The following MAP3K7CL variants were observed in gnomAD, a reference collection of about 807,000 sequenced individuals.
The protein encoded by MAP3K7CL is MAP3K7 C-terminal like, also known as MAP3K7 C-terminal-like protein.
Under a neutral mutation model 18.6 loss-of-function variants are expected in MAP3K7CL, and 16 were observed. The observed-to-expected ratio is 0.86, with a 90% CI of 0.58 to 1.31. The LOEUF (loss-of-function observed/expected upper bound fraction) is 1.31, where lower values mean the gene tolerates loss of function less well. Ranked by LOEUF, MAP3K7CL falls within the 50% of genes most tolerant of loss-of-function variation. The probability of loss-of-function intolerance (pLI) is 0.00; values close to 1 mark genes in which losing one functional copy is unlikely to be tolerated. For missense variants in MAP3K7CL, 163 were observed against 174.4 expected (o/e 0.93, Z 0.37); for synonymous variants, 65 against 66.8 (o/e 0.97, Z 0.13).
At chr21:29,110,915 A>G (rs1193530328) in intron 4 of MAP3K7CL, among the ~76,000 whole-genome samples, 1 of 152,192 alleles carries the variant, frequency 6.6e-6, no homozygotes, top group African/African-American at 2.4e-5. Context: ...TCTCACTCTC[A>G]GCATTGTCTC....
At chr21:29,086,419 G>T (rs2085926822) in intron 1 of MAP3K7CL, among the ~76,000 whole-genome samples, 2 of 152,178 alleles carry the variant, frequency 1.3e-5, no homozygotes, top group Non-Finnish European at 1.5e-5. Context: ...TGAGTGGAAG[G>T]ATTCCCACCC....
intron 4 of MAP3K7CL, among the ~76,000 whole-genome samples, chr21:29,161,173 G>A (rs138843609): frequency 0.013 from 1,999 of 152,266 alleles, 22 homozygotes; most frequent in South Asian, 0.032. Flanking sequence ...AGCCGGGTGT[G>A]GTGGCGGGCA....
At chr21:29,161,407 C>G (rs1257932113) in intron 4 of MAP3K7CL, among the ~76,000 whole-genome samples, 2 of 152,006 alleles carry the variant, frequency 1.3e-5, no homozygotes, top group South Asian at 4.1e-4. Context: ...ACCTTGGCCT[C>G]CCAAAGTGCT....
intron 4 of MAP3K7CL, among the ~76,000 whole-genome samples, chr21:29,120,140 C>T (rs912212204): frequency 6.6e-6 from 1 of 151,520 alleles, no homozygotes; most frequent in Non-Finnish European, 1.5e-5. Flanking sequence ...TTATTTTTTT[C>T]CTCCTTGGAA....
chr21:29,110,201 C>T (rs544654145), intron 4 of MAP3K7CL, among the ~76,000 whole-genome samples: 3 of 152,126 alleles, frequency 2.0e-5, no homozygotes, highest in Non-Finnish European at 2.9e-5. Context: ...AAATAAAAAA[C>T]ACATCCACTA....
chr21:29,164,235 A>G (rs1165301690), intron 4 of MAP3K7CL, among the ~76,000 whole-genome samples: 2 of 152,164 alleles, frequency 1.3e-5, no homozygotes, highest in African/African-American at 4.8e-5. Flanking sequence ...ACTGAAGTGG[A>G]AATTCATTTT....
At chr21:29,108,476 C>T (rs935785196) in intron 4 of MAP3K7CL, among the ~76,000 whole-genome samples, 2 of 152,162 alleles carry the variant, frequency 1.3e-5, no homozygotes, top group African/African-American at 4.8e-5. Context: ...GTTTTTGACA[C>T]CTACTGCCAA....
At chr21:29,128,921 G>T (rs1163527456), upstream of MAP3K7CL, among the ~76,000 whole-genome samples, 2 of 152,136 alleles carry the variant, frequency 1.3e-5, no homozygotes, top group Non-Finnish European at 2.9e-5. Context: ...TTCCTGAAAA[G>T]AATAAGCTTA....
chr21:29,106,512 A>G (rs1418889619), intron 4 of MAP3K7CL, among the ~76,000 whole-genome samples: 2 of 152,160 alleles, frequency 1.3e-5, no homozygotes, highest in Admixed American at 6.5e-5. Context: ...CTTGGAGAGC[A>G]TTGCTGAGCT....
chr21:29,113,090 C>T (rs749106323), intron 4 of MAP3K7CL, among the ~76,000 whole-genome samples: 21 of 152,156 alleles, frequency 1.4e-4, no homozygotes, highest in Non-Finnish European at 1.6e-4. Context: ...CCACTGCGCC[C>T]GGCCCCATTT....
intron 4 of MAP3K7CL, chr21:29,092,690 G>T: frequency 1.6e-6 from 2 of 1,284,678 alleles, no homozygotes; most frequent in Non-Finnish European, 2.2e-6. Context: ...GCAGGGATCT[G>T]GGTCAGAGCA....
In MAP3K7CL at chr21:29,166,426, G is replaced by C. The variant is rs74675739; in HGVS notation, c.248+6370G>C. 7.2e-5 allele frequency among the ~76,000 whole-genome samples: 11 copies of C among 152,294 alleles called. No homozygotes were observed. In the East Asian group the frequency reaches 2.1e-3, roughly 29 times the overall value. ...CTTCTGCTGATGGACACTTGGACAC[G>C]TAGGTTGATCCTATACCCTGGCTAT... On this transcript the variant is annotated intron_variant, in intron 4 of 4. Coordinates refer to ENST00000399928, the MANE Select transcript of MAP3K7CL (RefSeq NM_001286620.2).
In MAP3K7CL at chr21:29,121,055, G is replaced by GACCCTGTATCAAAAAAAGATAT. The variant is rs58666252; in HGVS notation, c.371-28133_371-28132insCCCTGTATCAAAAAAAGATATA. On this transcript the variant is annotated intron_variant, in intron 4 of 6. Coordinates refer to the MAP3K7CL transcript ENST00000286791. ...TACTTCAGCCTGGGCAACAGAGTCA[G>GACCCTGTATCAAAAAAAGATAT]ATATATATATATAGTGTATATATGA... Among the ~76,000 whole-genome samples, 78 of 121,102 alleles carry GACCCTGTATCAAAAAAAGATAT rather than the reference G, an allele frequency of 6.4e-4. 11 individuals are homozygous for GACCCTGTATCAAAAAAAGATAT. The highest frequency in any genetic ancestry group is 1.4e-3 in the South Asian group (5 of 3,650). 79.4% of individuals were successfully genotyped at this position (121,102 alleles called of 152,430 possible).
chr21:29,146,468 TG>T (rs1386225172), intron 2 of MAP3K7CL, among the ~76,000 whole-genome samples: 1 of 152,206 alleles, frequency 6.6e-6, no homozygotes, highest in Non-Finnish European at 1.5e-5. Context: ...TTTTGCCTTT[TG>T]TCCAATTCTT....
chr21:29,101,213 C>A (rs2086224301), intron 4 of MAP3K7CL, among the ~76,000 whole-genome samples: 1 of 152,050 alleles, frequency 6.6e-6, no homozygotes, highest in Non-Finnish European at 1.5e-5. Flanking sequence ...ATGCAAAATG[C>A]CATTTACATG....
At chr21:29,161,083 G>A (rs2087535976) in intron 4 of MAP3K7CL, among the ~76,000 whole-genome samples, 1 of 152,348 alleles carries the variant, frequency 6.6e-6, no homozygotes, top group East Asian at 1.9e-4. Flanking sequence ...GGCCGAGGCT[G>A]GTAGATCACC....
upstream of MAP3K7CL, among the ~76,000 whole-genome samples, chr21:29,128,341 C>A (rs909659894): frequency 5.3e-5 from 8 of 149,762 alleles, no homozygotes; most frequent in African/African-American, 2.0e-4. Flanking sequence ...CTCACTCTGT[C>A]GCCCAGGCTG....
chr21:29,144,272 C>T (rs2087075796), intron 2 of MAP3K7CL, among the ~76,000 whole-genome samples: 1 of 151,920 alleles, frequency 6.6e-6, no homozygotes. Flanking sequence ...TCAAGCGATT[C>T]TTCTGTCTCA....
chr21:29,121,736 T>G (rs2146591390), intron 4 of MAP3K7CL, among the ~76,000 whole-genome samples: 1 of 151,958 alleles, frequency 6.6e-6, no homozygotes, highest in East Asian at 1.9e-4. Context: ...CATTGAAGCT[T>G]ATTTGAGAAA....
Sources: gnomAD v4.1 joint callset for allele counts (sites outside exome capture counted in the v4.1 genomes callset) on GRCh38, gnomAD v4.1.1 for gene constraint, MANE v1.5 for transcripts, NCBI Gene and HGNC (gene_info 2026-07-23, HGNC 2026-07-21) for gene names.